SOX5: variants seen among roughly 807,000 people sequenced by gnomAD.
SOX5 encodes SRY-box transcription factor 5, also known as transcription factor SOX-5.
In SOX5, 9 loss-of-function variants were observed where a neutral mutation model predicts 92.0. The observed-to-expected ratio is 0.10, with a 90% confidence interval of 0.06 to 0.17. SOX5 has a LOEUF of 0.17. Ranked by LOEUF, SOX5 falls within the 10% of genes least tolerant of loss-of-function variation. The pLI, the probability that SOX5 is intolerant of heterozygous loss-of-function variation, is 1.00. For synonymous variants in SOX5, 344 were observed against 336.3 expected, an observed-to-expected ratio of 1.02 and a Z score of -0.25; for missense variants, 642 against 944.5, an observed-to-expected ratio of 0.68 and a Z score of 4.20.
At chr12:24,144,746 T>G (rs1950905815) in intron 4 of SOX5, among the ~76,000 whole-genome samples, 1 of 151,898 alleles carries the variant, frequency 6.6e-6, no homozygotes, top group Admixed American at 6.6e-5. Flanking sequence ...GGAGGATTGC[T>G]CGGGCCCAGG....
intron 4 of SOX5, among the ~76,000 whole-genome samples, chr12:23,971,414 G>A (rs895175748): frequency 2.0e-5 from 3 of 151,468 alleles, no homozygotes; most frequent in African/African-American, 4.9e-5. Flanking sequence ...GAGCCACCGC[G>A]CCTGGCCATC....
At chr12:23,920,306 G>T (rs758530051) in intron 1 of SOX5, 22 of 152,090 alleles carry the variant, frequency 1.4e-4, no homozygotes, top group Non-Finnish European at 2.4e-4. Context: ...CTAATTCTAA[G>T]ATATTGTTTG....
At chr12:24,048,113 T>C (rs1957225258) in intron 4 of SOX5, among the ~76,000 whole-genome samples, 1 of 152,204 alleles carries the variant, frequency 6.6e-6, no homozygotes, top group Non-Finnish European at 1.5e-5. Flanking sequence ...AGTTACTATA[T>C]GATCAGCACT....
At chr12:24,058,434 A>C (rs1162075413) in intron 4 of SOX5, among the ~76,000 whole-genome samples, 1 of 152,200 alleles carries the variant, frequency 6.6e-6, no homozygotes, top group Non-Finnish European at 1.5e-5. Flanking sequence ...ATAGAAATCA[A>C]TACATCCCCT....
chr12:23,536,972 T>C (rs956906342), intron 13 of SOX5, among the ~76,000 whole-genome samples: 5 of 152,114 alleles, frequency 3.3e-5, no homozygotes, highest in East Asian at 1.9e-4. Flanking sequence ...CATTAGATCA[T>C]GATATAATTC....
At chr12:23,867,725 C>T (rs1229405296) in intron 2 of SOX5, among the ~76,000 whole-genome samples, 5 of 151,930 alleles carry the variant, frequency 3.3e-5, no homozygotes, top group Non-Finnish European at 7.4e-5. Context: ...ATAGGTCTTT[C>T]CTACACACTA....
At chr12:23,619,342 C>G (rs898606890) in intron 8 of SOX5, among the ~76,000 whole-genome samples, 1 of 152,116 alleles carries the variant, frequency 6.6e-6, no homozygotes, top group African/African-American at 2.4e-5. Context: ...CATGTCATAT[C>G]TCTTGGAACC....
chr12:24,341,758 A>T (rs1952600411), intron 2 of SOX5, among the ~76,000 whole-genome samples: 1 of 152,174 alleles, frequency 6.6e-6, no homozygotes, highest in African/African-American at 2.4e-5. Context: ...CGCTTCAGGA[A>T]GCACCTTCAA....
At chr12:23,746,367 TA>T in intron 4 of SOX5, among the ~76,000 whole-genome samples, 1 of 152,298 alleles carries the variant, frequency 6.6e-6, no homozygotes, top group East Asian at 1.9e-4. Flanking sequence ...ATAACTTATA[TA>T]TGTGTGTGTC....
At chr12:23,980,788 T>C (rs1212210504) in intron 4 of SOX5, among the ~76,000 whole-genome samples, 1 of 152,070 alleles carries the variant, frequency 6.6e-6, no homozygotes, top group Non-Finnish European at 1.5e-5. Context: ...GGCCCAAGGA[T>C]GAGTACCCAC....
At position 23,631,493 on chromosome 12, in the gene SOX5, T is replaced by C. The variant is rs972374058; in HGVS notation, c.1017+9319A>G. On this transcript the variant is annotated intron_variant, in intron 8 of 14. Coordinates refer to ENST00000451604, the MANE Select transcript of SOX5 (RefSeq NM_006940.6). Reference sequence around the variant, plus strand: ...CTTTAAAAATTTCAATAAATTGGTATTGCTCATAGAATTACATCTACTGCT... The same window carrying C: ...CTTTAAAAATTTCAATAAATTGGTACTGCTCATAGAATTACATCTACTGCT... Among the ~76,000 whole-genome samples, 3 of 152,108 alleles carry C rather than the reference T, an allele frequency of 2.0e-5. No homozygotes were observed. In the East Asian group the frequency reaches 5.8e-4, roughly 29 times the overall value.
chr12:24,440,363 T>C (rs1054423129), intron 1 of SOX5, among the ~76,000 whole-genome samples: 1 of 152,166 alleles, frequency 6.6e-6, no homozygotes, highest in Non-Finnish European at 1.5e-5. Context: ...GGAGCGGTCA[T>C]AATTGACTCC....
At chr12:23,991,866 G>T (rs931966085) in intron 4 of SOX5, among the ~76,000 whole-genome samples, 1 of 151,652 alleles carries the variant, frequency 6.6e-6, no homozygotes, top group Non-Finnish European at 1.5e-5. Flanking sequence ...CTATAATTCT[G>T]ATAACGACTT....
At chr12:24,400,423 G>C (rs897903507) in intron 1 of SOX5, among the ~76,000 whole-genome samples, 4 of 152,144 alleles carry the variant, frequency 2.6e-5, no homozygotes, top group African/African-American at 7.2e-5. Flanking sequence ...GGAGGGCGGG[G>C]GAAGAATTTC....
chr12:23,957,985 C>A (rs1946472995), intron 4 of SOX5, among the ~76,000 whole-genome samples: 1 of 152,036 alleles, frequency 6.6e-6, no homozygotes, highest in African/African-American at 2.4e-5. Flanking sequence ...AAACACCTAA[C>A]TGTTAATACC....
intron 1 of SOX5, among the ~76,000 whole-genome samples, chr12:24,521,956 C>T (rs117881524): frequency 0.011 from 1,696 of 149,912 alleles, 14 homozygotes; most frequent in Middle Eastern, 0.021. Context: ...CAGGTAGAAA[C>T]GAATCAAATA....
chr12:23,831,414 G>C (rs977146629), intron 3 of SOX5, among the ~76,000 whole-genome samples: 1 of 152,010 alleles, frequency 6.6e-6, no homozygotes, highest in Non-Finnish European at 1.5e-5. Flanking sequence ...TAGGATATTT[G>C]ACTCCAAGAA....
intron 2 of SOX5, among the ~76,000 whole-genome samples, chr12:23,862,068 G>A (rs2096762604): frequency 6.6e-6 from 1 of 152,056 alleles, no homozygotes; most frequent in Non-Finnish European, 1.5e-5. Flanking sequence ...TTCATTAAGA[G>A]GAAATGAAAG....
At chr12:24,160,378 C>T (rs1189239436) in intron 4 of SOX5, among the ~76,000 whole-genome samples, 1 of 151,864 alleles carries the variant, frequency 6.6e-6, no homozygotes, top group African/African-American at 2.4e-5. Context: ...GCCTAGTGAC[C>T]AGGAGGATAG....
Sources: gnomAD v4.1 joint callset for allele counts (sites outside exome capture counted in the v4.1 genomes callset) on GRCh38, gnomAD v4.1.1 for gene constraint, MANE v1.5 for transcripts, NCBI Gene and HGNC (gene_info 2026-07-23, HGNC 2026-07-21) for gene names.